PRRC2C: variants seen among roughly 807,000 people sequenced by gnomAD.
PRRC2C encodes protein PRRC2C.
A neutral mutation model predicts 317.2 loss-of-function variants in PRRC2C; 72 were observed. The ratio of observed to expected loss-of-function variants is 0.23; its 90% CI spans 0.19 to 0.28. The LOEUF is 0.28. PRRC2C is among the 10% of genes least tolerant of loss of function. The probability of loss-of-function intolerance (pLI) is 1.00; values close to 1 mark genes in which losing one functional copy is unlikely to be tolerated. For synonymous variants in PRRC2C, 1,296 were observed against 1,205.9 expected, an observed-to-expected ratio of 1.07 and a Z score of -1.55; for missense variants, 3,074 against 3,459.7, an observed-to-expected ratio of 0.89 and a Z score of 2.80.
rs762166398 is a variant in PRRC2C at position 171,541,377 on chromosome 1, ATTC to A, written c.3917_3919del (p.Ser1306del). On this transcript the variant is annotated inframe_deletion, in exon 16 of 35. Coordinates refer to ENST00000647382, the MANE Select transcript of PRRC2C (RefSeq NM_001387844.1). This position sits in a 1 kb window ranked among gnomAD's most constrained non-coding sequence, Gnocchi z 4.1. ...GAAAACAAAAAACCTGTAAAGCCTCATTCTTCTTTCAAGCCTGATAATCATGTT... is the reference window on the plus strand; with the variant it reads ...GAAAACAAAAAACCTGTAAAGCCTCATTCTTTCAAGCCTGATAATCATGTT... 2.4e-5 allele frequency: 38 copies of A among 1,612,688 alleles called. 1 individual carries two copies. The African/African-American group carries it at 3.5e-4, about 15-fold the overall frequency.
chr1:171,507,966 G>T (rs1670564941), intron 1 of PRRC2C, among the ~76,000 whole-genome samples: 1 of 152,154 alleles, frequency 6.6e-6, no homozygotes, highest in African/African-American at 2.4e-5. Flanking sequence ...TTTGTGAAAA[G>T]AAATGCAACT....
rs936790154 is a variant in PRRC2C, at chr1:171,512,998, C to T, written c.116C>T (p.Ala39Val). ...KSLETQKTTV[A>V]ARHGLQSLGK... ...AGTTGATGTTATTGATCTTTAGTTG[C>T]AGCTCGACATGGATTACAGAGTCTT... The change falls in exon 3 of 35, where the codon GCA becomes GTA. Residue 39 changes from alanine to valine, a missense_variant. Ala to Val is a moderately conservative substitution (Grantham distance 64). Transcript: ENST00000647382. 6.3e-7 allele frequency: 1 copy of T among 1,596,770 alleles called. No homozygotes were observed. The highest frequency in any genetic ancestry group is 1.8e-5 in the Admixed American group (1 of 56,488).
rs528401618 is a variant in PRRC2C, at chr1:171,499,629, C to A, written c.-57-12403C>A. 3.4e-4 allele frequency among the ~76,000 whole-genome samples: 51 copies of A among 152,198 alleles called. 1 individual carries two copies. The highest frequency in any genetic ancestry group is 8.3e-4 in the South Asian group (4 of 4,816). ...GACCAGCCTGGCCAACATGGTGAAA[C>A]CCTGTCTCTACTAAAAATACAAAAA... On this transcript the variant is annotated intron_variant, in intron 1 of 34. Transcript: ENST00000647382.
At chr1:171,552,722 A>T (rs1384192372) in intron 18 of PRRC2C, among the ~76,000 whole-genome samples, 1 of 152,092 alleles carries the variant, frequency 6.6e-6, no homozygotes, top group African/African-American at 2.4e-5. Flanking sequence ...TGAGATAATC[A>T]TGTGGTTTTT....
intron 6 of PRRC2C, among the ~76,000 whole-genome samples, chr1:171,519,389 G>C (rs750416153): frequency 6.6e-6 from 1 of 152,116 alleles, no homozygotes; most frequent in Non-Finnish European, 1.5e-5. Flanking sequence ...ACATCCATTC[G>C]TTGAGATTGG....
At chr1:171,550,562 C>T (rs1238982016) in intron 18 of PRRC2C, among the ~76,000 whole-genome samples, 1 of 151,174 alleles carries the variant, frequency 6.6e-6, no homozygotes, top group African/African-American at 2.4e-5. Flanking sequence ...TGGTGTGCTG[C>T]ACCCATTAAC....
chr1:171,513,649 C>G (rs183319321), intron 3 of PRRC2C, among the ~76,000 whole-genome samples: 3 of 152,248 alleles, frequency 2.0e-5, no homozygotes, highest in Admixed American at 2.0e-4. Flanking sequence ...AGTCATCCTT[C>G]TTTCAACAAC....
In PRRC2C at chr1:171,584,065, C is replaced by A; in HGVS notation, c.7519C>A (p.Gln2507Lys). ...TVQHQELAKA[Q>K]SGLAFQQTSN... ...CCAACACCAAGAACTTGCCAAGGCA[C>A]AATCCGGTCTTGCCTTTCAGCAAAC... Residue 2507 changes from glutamine (Q) to lysine (K), a missense_variant, in exon 29 of 35, where the codon CAA (glutamine) becomes AAA (lysine). Gln to Lys is a moderately conservative substitution (Grantham distance 53). Around this residue, in one of 11 missense-constraint regions of PRRC2C, gnomAD observed 490 missense variants for 663.1 expected, o/e 0.74. Coordinates refer to ENST00000647382, the MANE Select transcript of PRRC2C (RefSeq NM_001387844.1). 6.2e-7 allele frequency: 1 copy of A among 1,613,916 alleles called. No homozygotes were observed. The highest frequency in any genetic ancestry group is 8.5e-7 in the Non-Finnish European group (1 of 1,179,770).
intron 25 of PRRC2C, 79 bp downstream of exon 25, chr1:171,575,207 C>A: frequency 7.6e-7 from 1 of 1,315,638 alleles, no homozygotes; most frequent in Non-Finnish European, 1.0e-6. Flanking sequence ...TTTACTATCT[C>A]TAGCCCTCCG....
intron 1 of PRRC2C, among the ~76,000 whole-genome samples, chr1:171,498,027 G>A (rs1165244204): frequency 2.9e-5 from 4 of 140,032 alleles, no homozygotes; most frequent in Admixed American, 1.5e-4. Context: ...AAGTCTTGCT[G>A]TGTTGCCCAG....
At chr1:171,553,829 G>T (rs567193367) in intron 18 of PRRC2C, among the ~76,000 whole-genome samples, 1 of 152,326 alleles carries the variant, frequency 6.6e-6, no homozygotes, top group African/African-American at 2.4e-5. Context: ...TGTGGTCTGA[G>T]AGACAGTTTG....
Position 171,579,723 on chromosome 1 carries a change from A to G in PRRC2C, c.7273-105A>G, listed in dbSNP as rs752781704. The G allele has an allele frequency of 8.4e-5, 114 of 1,353,316 alleles. 1 individual carries two copies. The highest frequency in any genetic ancestry group is 1.1e-4 in the Non-Finnish European group (111 of 1,016,212). 83.8% of individuals were successfully genotyped at this position (1,353,316 alleles called of 1,614,324 possible). Reference sequence around the variant, plus strand: ...TTTTAAAATGGAGCTGATATATAGTATTAATTTTACTCTTTTCATGTCTCA... The same window carrying G: ...TTTTAAAATGGAGCTGATATATAGTGTTAATTTTACTCTTTTCATGTCTCA... On this transcript the variant is annotated intron_variant, in intron 27 of 34. Coordinates refer to ENST00000647382, the MANE Select transcript of PRRC2C (RefSeq NM_001387844.1).
chr1:171,532,840 A>G lies in PRRC2C; in HGVS notation c.1752A>G (p.Glu584=), dbSNP rs1242295744. The change falls in exon 12 of 35, where the codon GAA becomes GAG. Residue 584 remains glutamate, a synonymous_variant. Coordinates refer to ENST00000647382, the MANE Select transcript of PRRC2C (RefSeq NM_001387844.1). ...AAAAAGAACTACAAAAGATGAAAGAACAAGAAAAGGAATGTGAGCTGGAGA... is the reference window on the plus strand; with the variant it reads ...AAAAAGAACTACAAAAGATGAAAGAGCAAGAAAAGGAATGTGAGCTGGAGA... ...EKEKELQKMK[E]QEKECELEKE... 1 of 1,600,974 alleles carries G rather than the reference A, an allele frequency of 6.2e-7. No homozygotes were observed. Among genetic ancestry groups the G allele is most frequent in the Non-Finnish European group, 8.5e-7 (1 of 1,176,448 alleles).
intron 1 of PRRC2C, among the ~76,000 whole-genome samples, chr1:171,498,827 A>T (rs530646547): frequency 1.8e-4 from 28 of 151,878 alleles, no homozygotes; most frequent in African/African-American, 6.8e-4. Context: ...TTGTTTTTGG[A>T]GGGGAGACTG....
intron 7 of PRRC2C, 85 bp from the exon 8 acceptor site, chr1:171,523,136 A>C: frequency 7.8e-7 from 1 of 1,289,492 alleles, no homozygotes; most frequent in Non-Finnish European, 1.0e-6. Context: ...CTAATGTTGA[A>C]ATGAACTAAA....
chr1:171,592,904 T>A lies in PRRC2C; in HGVS notation c.*1057T>A, dbSNP rs1028026053. 6.6e-6 allele frequency: 1 copy of A among 152,160 alleles called. No homozygotes were observed. The highest frequency in any genetic ancestry group is 2.1e-4 in the South Asian group (1 of 4,834). 9.4% of individuals were successfully genotyped at this position (152,160 alleles called of 1,614,324 possible). On this transcript the variant is annotated 3_prime_UTR_variant, in exon 35 of 35. Transcript: ENST00000647382. Reference sequence around the variant, plus strand: ...TTTTTAATTGTATCCTCTAGTATTATAGATATAGGACAGTACTGTATCATA... The same window carrying A: ...TTTTTAATTGTATCCTCTAGTATTAAAGATATAGGACAGTACTGTATCATA...
At chr1:171,572,719 A>G (rs1684995697) in intron 24 of PRRC2C, among the ~76,000 whole-genome samples, 1 of 152,160 alleles carries the variant, frequency 6.6e-6, no homozygotes, top group Non-Finnish European at 1.5e-5. Flanking sequence ...TTATCATTAT[A>G]CTAGCAAGGT....
At chr1:171,516,469 C>T (rs968794622) in intron 5 of PRRC2C, among the ~76,000 whole-genome samples, 27 of 152,126 alleles carry the variant, frequency 1.8e-4, no homozygotes, top group African/African-American at 6.3e-4. Flanking sequence ...ATGTATTTCA[C>T]ATTTTTTAGC....
intron 1 of PRRC2C, among the ~76,000 whole-genome samples, chr1:171,490,759 C>A (rs1051818245): frequency 6.6e-6 from 1 of 152,120 alleles, no homozygotes; most frequent in African/African-American, 2.4e-5. Context: ...TTAAAATAAT[C>A]TAGGTCAAGT....
Sources: gnomAD v4.1 joint callset for allele counts (sites outside exome capture counted in the v4.1 genomes callset) on GRCh38, gnomAD v4.1.1 for gene constraint, gnomAD v4.1.1 regional missense constraint, Gnocchi (gnomAD v3.1) non-coding constraint, MANE v1.5 for transcripts, NCBI Gene and HGNC (gene_info 2026-07-23, HGNC 2026-07-21) for gene names.